PCDHA7: variants seen among roughly 807,000 people sequenced by gnomAD.
PCDHA7 encodes the protein protocadherin alpha 7.
Under a neutral mutation model 57.2 loss-of-function variants are expected in PCDHA7, and 37 were observed. That is an observed-to-expected ratio of 0.65 (90% confidence interval 0.50 to 0.85). The LOEUF (loss-of-function observed/expected upper bound fraction) is 0.85, where lower values mean the gene tolerates loss of function less well. Among genes scored for constraint, PCDHA7 ranks in the 40% least tolerant of loss-of-function variants. The pLI, the probability that PCDHA7 is intolerant of heterozygous loss-of-function variation, is 0.00. For synonymous variants in PCDHA7, 553 were observed against 558.8 expected (o/e 0.99, Z 0.15); for missense variants, 1,188 against 1,241.8 (o/e 0.96, Z 0.65).
At chr5:140,923,753 T>C (rs1554201575) in intron 1 of PCDHA7, among the ~76,000 whole-genome samples, 1 of 152,174 alleles carries the variant, frequency 6.6e-6, no homozygotes. Flanking sequence ...AGGCATATGG[T>C]GGGACAAATC....
At chr5:140,928,032 TAGTGC>T (rs782031018) in intron 1 of PCDHA7, 7 of 1,614,216 alleles carry the variant, frequency 4.3e-6, no homozygotes, top group Non-Finnish European at 5.9e-6. Context: ...GTGGCATGTC[TAGTGC>T]AGGCCCTTTT....
At chr5:140,854,958 C>T (rs1554147522) in intron 1 of PCDHA7, among the ~76,000 whole-genome samples, 2 of 149,742 alleles carry the variant, frequency 1.3e-5, no homozygotes, top group African/African-American at 2.4e-5. Context: ...TTCTTAATTA[C>T]TTTATTCAGA....
chr5:140,852,333 A>G, intron 1 of PCDHA7: 1 of 262,614 alleles, frequency 3.8e-6, no homozygotes, highest in Non-Finnish European at 6.4e-6. Context: ...GCTGGAGTAC[A>G]GTGGCATGAT....
intron 1 of PCDHA7, chr5:140,857,971 G>A: frequency 6.3e-7 from 1 of 1,596,806 alleles, no homozygotes; most frequent in Non-Finnish European, 8.6e-7. Flanking sequence ...AGACTGACTC[G>A]CCACGCCAGC....
Position 140,835,634 on chromosome 5 carries a change from T to C in PCDHA7, c.1251T>C (p.Ser417=), listed in dbSNP as rs2150240136. 5 of 1,613,808 alleles carry C rather than the reference T, an allele frequency of 3.1e-6. No individual in the cohort carries two copies. Among genetic ancestry groups the C allele is most frequent in the East Asian group, 2.2e-5 (1 of 44,826 alleles). The change falls in exon 1 of 4, where the codon AGT becomes AGC. Residue 417 remains serine (S), a synonymous_variant. Transcript: ENST00000525929. ...TGGACAGCGCTCTGGACCGCGAGAG[T>C]GTGTCCGCCTATGAGCTGGTGGTTA... ...LVLDSALDRE[S]VSAYELVVTA... is the part of the protein sequence containing the mutation.
At chr5:140,860,280 G>A (rs1339122152) in intron 1 of PCDHA7, 2 of 151,906 alleles carry the variant, frequency 1.3e-5, no homozygotes, top group Admixed American at 1.3e-4. Context: ...ACTTGGGAGG[G>A]TGAGGTGGGA....
chr5:140,985,887 C>A (rs765609645), intron 3 of PCDHA7, among the ~76,000 whole-genome samples: 2 of 151,840 alleles, frequency 1.3e-5, no homozygotes, highest in Non-Finnish European at 2.9e-5. Context: ...CTACAGGCGC[C>A]CGCCACCACT....
At chr5:140,836,909 C>G in intron 1 of PCDHA7, 171 bp downstream of exon 1, 1 of 579,744 alleles carries the variant, frequency 1.7e-6, no homozygotes, top group South Asian at 2.9e-5. Context: ...TTAATATACA[C>G]TTTTGTTTTG....
chr5:140,966,714 G>C, intron 1 of PCDHA7: 1 of 1,394,064 alleles, frequency 7.2e-7, no homozygotes, highest in South Asian at 1.6e-5. Flanking sequence ...GGCACGGCTG[G>C]GGAAGCTGCC....
Position 140,836,429 on chromosome 5 carries a change from A to G in PCDHA7, c.2046A>G (p.Ala682=). 1 of 1,613,806 alleles carries G rather than the reference A, an allele frequency of 6.2e-7. No homozygotes were observed. Among genetic ancestry groups the G allele is most frequent in the Non-Finnish European group, 8.5e-7 (1 of 1,179,844 alleles). Residue 682 remains alanine (A), a synonymous_variant, in exon 1 of 4, where the codon GCA becomes GCG. Coordinates refer to ENST00000525929, the MANE Select transcript of PCDHA7 (RefSeq NM_018910.3). The part of the protein sequence containing the change: ...SGQAPKASSR[A]SLGIAGPETE... ...AGGCACCAAAGGCGTCGTCGCGGGCATCGTTGGGCATTGCAGGCCCAGAGA... is the reference window on the plus strand; with the variant it reads ...AGGCACCAAAGGCGTCGTCGCGGGCGTCGTTGGGCATTGCAGGCCCAGAGA...
chr5:140,934,534 G>A (rs1248269957), intron 1 of PCDHA7, among the ~76,000 whole-genome samples: 1 of 152,062 alleles, frequency 6.6e-6, no homozygotes, highest in Admixed American at 6.6e-5. Flanking sequence ...GAGAGCTACC[G>A]TTCTAATTCT....
At chr5:140,919,355 A>C (rs2079096245) in intron 1 of PCDHA7, among the ~76,000 whole-genome samples, 1 of 152,174 alleles carries the variant, frequency 6.6e-6, no homozygotes, top group South Asian at 2.1e-4. Flanking sequence ...TTGAATCTAA[A>C]AGTGTCTCCT....
At chr5:140,879,190 C>T (rs2057894732) in intron 1 of PCDHA7, among the ~76,000 whole-genome samples, 1 of 152,052 alleles carries the variant, frequency 6.6e-6, no homozygotes. Context: ...GTAATGGAGA[C>T]TTAAATTATG....
intron 1 of PCDHA7, chr5:140,843,157 G>T: frequency 6.3e-7 from 1 of 1,596,132 alleles, no homozygotes; most frequent in Non-Finnish European, 8.6e-7. Context: ...ATGAGCTGCA[G>T]CCAGCTGCAA....
At chr5:140,862,934 G>A (rs1050739882) in intron 1 of PCDHA7, 1 of 542,302 alleles carries the variant, frequency 1.8e-6, no homozygotes, top group South Asian at 1.4e-5. Context: ...TGGCGGCGCT[G>A]TGAGTGAGCT....
chr5:140,941,462 C>T (rs1323217881), intron 1 of PCDHA7, among the ~76,000 whole-genome samples: 1 of 150,980 alleles, frequency 6.6e-6, no homozygotes, highest in Non-Finnish European at 1.5e-5. Context: ...ATTACAGGCG[C>T]CCACCACCAC....
intron 1 of PCDHA7, among the ~76,000 whole-genome samples, chr5:140,886,194 AAT>A (rs775586198): frequency 9.9e-5 from 15 of 152,172 alleles, no homozygotes; most frequent in Non-Finnish European, 1.9e-4. Context: ...GGCAAGCAGT[AAT>A]CTGTTCTCCA....
intron 1 of PCDHA7, among the ~76,000 whole-genome samples, chr5:140,898,096 G>T (rs2066523889): frequency 6.6e-6 from 1 of 152,034 alleles, no homozygotes; most frequent in South Asian, 2.1e-4. Context: ...TTAGCCCTTT[G>T]TCAGATGAGT....
At chr5:140,987,592 G>A (rs150671243) in intron 3 of PCDHA7, among the ~76,000 whole-genome samples, 29 of 152,290 alleles carry the variant, frequency 1.9e-4, no homozygotes, top group Admixed American at 1.6e-3. Context: ...GAGAATAGTG[G>A]TGTCTACCTT....
Sources: gnomAD v4.1 joint callset for allele counts (sites outside exome capture counted in the v4.1 genomes callset) on GRCh38, gnomAD v4.1.1 for gene constraint, MANE v1.5 for transcripts, NCBI Gene and HGNC (gene_info 2026-07-23, HGNC 2026-07-21) for gene names.